SV2C: variants seen among roughly 807,000 people sequenced by gnomAD.
The protein encoded by SV2C is synaptic vesicle glycoprotein 2C.
Under a neutral mutation model 79.7 loss-of-function variants are expected in SV2C, and 49 were observed. The observed-to-expected ratio is 0.61, with a 90% CI of 0.49 to 0.78. SV2C has a LOEUF of 0.78. Ranked by LOEUF, SV2C falls within the 30% of genes least tolerant of loss-of-function variation. The probability of loss-of-function intolerance (pLI) is 0.00; values close to 1 mark genes in which losing one functional copy is unlikely to be tolerated. For synonymous variants in SV2C, 334 were observed against 333.2 expected (o/e 1.00, Z -0.03); for missense variants, 833 against 912.9 (o/e 0.91, Z 1.13).
the SV2C span, among the ~76,000 whole-genome samples, chr5:76,001,558 C>T: frequency 4.0e-5 from 6 of 151,454 alleles, no homozygotes; most frequent in African/African-American, 7.3e-5. Context: ...CACTGCACTC[C>T]AGCCTGGGTG....
chr5:75,859,769 T>G, the SV2C span, among the ~76,000 whole-genome samples: 1 of 152,178 alleles, frequency 6.6e-6, no homozygotes, highest in Non-Finnish European at 1.5e-5. Flanking sequence ...ATTTCAGTCC[T>G]GAAAAGTTAA....
the SV2C span, chr5:75,910,278 AT>A: frequency 1.0e-5 from 5 of 492,142 alleles, no homozygotes; most frequent in East Asian, 2.1e-4. Flanking sequence ...AAAATAAAAA[AT>A]TAGTTTTCCA....
intron 3 of SV2C, among the ~76,000 whole-genome samples, chr5:76,197,175 A>T (rs1580347208): frequency 6.6e-6 from 1 of 152,344 alleles, no homozygotes; most frequent in Non-Finnish European, 1.5e-5. Flanking sequence ...GAGTGTGAAG[A>T]TCAAATGAGA....
chr5:75,985,281 C>T, the SV2C span, among the ~76,000 whole-genome samples: 1 of 151,986 alleles, frequency 6.6e-6, no homozygotes, highest in Non-Finnish European at 1.5e-5. Flanking sequence ...GGGCATTAAT[C>T]TATTCATGAG....
At chr5:76,131,115 G>A (rs1034242078) in intron 1 of SV2C, among the ~76,000 whole-genome samples, 22 of 152,160 alleles carry the variant, frequency 1.4e-4, no homozygotes, top group Admixed American at 3.9e-4. Flanking sequence ...GAAACACAAT[G>A]TTAAGTAGGG....
chr5:76,025,001 C>T, the SV2C span, among the ~76,000 whole-genome samples: 31 of 152,228 alleles, frequency 2.0e-4, no homozygotes, highest in African/African-American at 6.5e-4. Flanking sequence ...CTCACCTAGG[C>T]CCCCTTTCCT....
intron 4 of SV2C, among the ~76,000 whole-genome samples, chr5:76,219,977 G>A (rs138064196): frequency 1.6e-4 from 24 of 152,250 alleles, no homozygotes; most frequent in Middle Eastern, 6.8e-3. Flanking sequence ...ATGGGGAAAT[G>A]GGCTTTAAAA....
chr5:76,140,872 T>G (rs1749228732), intron 2 of SV2C, among the ~76,000 whole-genome samples: 1 of 152,114 alleles, frequency 6.6e-6, no homozygotes, highest in African/African-American at 2.4e-5. Context: ...TTCTTTGTTG[T>G]GTATGCACCC....
At chr5:76,090,765 C>A (rs976393723) in intron 1 of SV2C, among the ~76,000 whole-genome samples, 9 of 152,130 alleles carry the variant, frequency 5.9e-5, no homozygotes, top group African/African-American at 2.2e-4. Context: ...TTAACATCTG[C>A]AAATGTATGC....
At chr5:75,901,791 G>A in the SV2C span, among the ~76,000 whole-genome samples, 3 of 152,236 alleles carry the variant, frequency 2.0e-5, no homozygotes, top group Admixed American at 6.5e-5. Context: ...CCTGGGCAAT[G>A]GCAGGTGCCC....
At chr5:76,335,412 T>C (rs1187346269), downstream of SV2C, among the ~76,000 whole-genome samples, 6 of 145,286 alleles carry the variant, frequency 4.1e-5, no homozygotes, top group Non-Finnish European at 7.5e-5. Context: ...TCACACATTT[T>C]CCTTTTTTTT....
rs1749035048 is a variant in SV2C at position 76,327,155 on chromosome 5, C to T, written c.*1608C>T. On this transcript the variant is annotated 3_prime_UTR_variant, in exon 13 of 13. Coordinates refer to ENST00000502798, the MANE Select transcript of SV2C (RefSeq NM_014979.4). ...GGCCCCCCTGCCTCCCCCTCCCCTT[C>T]CTAATGATCCCTCGCAGAGCTCAGA... The T allele has an allele frequency of 6.6e-6, 1 of 152,168 alleles. No individual in the cohort carries two copies. Among genetic ancestry groups the T allele is most frequent in the African/African-American group, 2.4e-5 (1 of 41,414 alleles). 9.4% of individuals were successfully genotyped at this position (152,168 alleles called of 1,614,324 possible).
intron 12 of SV2C, among the ~76,000 whole-genome samples, chr5:76,341,034 G>A (rs1467168458): frequency 1.3e-5 from 2 of 150,446 alleles, no homozygotes; most frequent in Non-Finnish European, 3.0e-5. Context: ...AGGTTCAAGC[G>A]ATTCTCCTGC....
At chr5:75,971,822 C>A in the SV2C span, among the ~76,000 whole-genome samples, 10 of 152,164 alleles carry the variant, frequency 6.6e-5, no homozygotes, top group African/African-American at 2.2e-4. Flanking sequence ...TTGGAAAAAA[C>A]TACTTGAAAG....
chr5:76,230,060 G>C (rs1745366523), intron 4 of SV2C, among the ~76,000 whole-genome samples: 1 of 152,148 alleles, frequency 6.6e-6, no homozygotes, highest in Admixed American at 6.5e-5. Context: ...TACGGGAATG[G>C]GTATGCACAA....
chr5:76,157,508 G>A (rs116584075), intron 2 of SV2C, among the ~76,000 whole-genome samples: 3,010 of 151,794 alleles, frequency 0.02, 49 homozygotes, highest in African/African-American at 0.028. Context: ...AGTATTAATG[G>A]ATATATCACC....
At chr5:76,205,990 T>A (rs1477556168) in intron 3 of SV2C, among the ~76,000 whole-genome samples, 1 of 152,210 alleles carries the variant, frequency 6.6e-6, no homozygotes, top group Non-Finnish European at 1.5e-5. Flanking sequence ...GACCTACTGA[T>A]ACATGGGAAT....
At chr5:76,260,054 C>T (rs1746412366) in intron 4 of SV2C, among the ~76,000 whole-genome samples, 1 of 152,176 alleles carries the variant, frequency 6.6e-6, no homozygotes, top group African/African-American at 2.4e-5. Flanking sequence ...TAATTAAACT[C>T]CCACTAACAG....
chr5:76,089,108 C>A (rs1747290739), intron 1 of SV2C, among the ~76,000 whole-genome samples: 1 of 152,142 alleles, frequency 6.6e-6, no homozygotes, highest in Non-Finnish European at 1.5e-5. Flanking sequence ...TGGTTTGCTG[C>A]ACCTATCAAC....
Sources: allele counts gnomAD v4.1 joint callset (sites outside exome capture counted in the v4.1 genomes callset), GRCh38; gene constraint gnomAD v4.1.1; transcripts MANE v1.5; gene names NCBI Gene and HGNC (gene_info 2026-07-23, HGNC 2026-07-21).